SP100: variants seen among roughly 807,000 people sequenced by gnomAD.
SP100 encodes the protein SP100 nuclear body protein, also known as nuclear autoantigen Sp-100.
In SP100, 84 loss-of-function variants were observed where a neutral mutation model predicts 130.0. That is an observed-to-expected ratio of 0.65 (90% CI 0.54 to 0.77). The LOEUF (loss-of-function observed/expected upper bound fraction) is 0.77. Among genes scored for constraint, SP100 ranks in the 30% least tolerant of loss-of-function variants. The pLI is 0.00. For synonymous variants in SP100, 331 were observed against 351.7 expected (o/e 0.94, Z 0.66); for missense variants, 978 against 1,052.2 (o/e 0.93, Z 0.97).
intron 14 of SP100, 33 bp downstream of exon 14, chr2:230,469,129 A>T: frequency 7.4e-7 from 1 of 1,344,282 alleles, no homozygotes; most frequent in Non-Finnish European, 1.1e-6. Flanking sequence ...GATGTAACAA[A>T]TGTCTTTATT....
At chr2:230,446,254 G>A (rs1044526744) in intron 4 of SP100, among the ~76,000 whole-genome samples, 3 of 152,152 alleles carry the variant, frequency 2.0e-5, no homozygotes, top group Non-Finnish European at 4.4e-5. Context: ...GACCATAGGT[G>A]TGCAACACCA....
At chr2:230,504,062 G>T in intron 20 of SP100, 124 bp from the exon 21 acceptor site, 1 of 589,274 alleles carries the variant, frequency 1.7e-6, no homozygotes, top group East Asian at 2.8e-5. Flanking sequence ...AAATGTAACT[G>T]ATTCATGGGG....
At chr2:230,495,577 C>T (rs1285432488) in intron 18 of SP100, among the ~76,000 whole-genome samples, 1 of 152,180 alleles carries the variant, frequency 6.6e-6, no homozygotes, top group African/African-American at 2.4e-5. Context: ...GCCTCGGCCT[C>T]CCAAAATGCT....
intron 17 of SP100, among the ~76,000 whole-genome samples, chr2:230,476,596 A>G (rs374000367): frequency 6.6e-6 from 1 of 152,154 alleles, no homozygotes; most frequent in African/African-American, 2.4e-5. Flanking sequence ...GAATTTTACT[A>G]TGCATGTATT....
chr2:230,522,975 C>A (rs771388841), intron 24 of SP100, among the ~76,000 whole-genome samples: 3 of 151,752 alleles, frequency 2.0e-5, no homozygotes, highest in African/African-American at 7.3e-5. Context: ...CCAGCATGCC[C>A]GGCTAATTTT....
At chr2:230,492,329 G>T (rs191929693) in intron 17 of SP100, among the ~76,000 whole-genome samples, 8 of 152,272 alleles carry the variant, frequency 5.3e-5, no homozygotes, top group African/African-American at 1.7e-4. Context: ...TTTGGCTAGA[G>T]ACAGGGTCTC....
At chr2:230,430,086 C>G (rs1298536669) in intron 2 of SP100, among the ~76,000 whole-genome samples, 1 of 152,198 alleles carries the variant, frequency 6.6e-6, no homozygotes, top group Non-Finnish European at 1.5e-5. Context: ...ATAACCTCTT[C>G]CAGGCTTTAT....
In SP100 at chr2:230,540,914, T is replaced by C; in HGVS notation, c.2249T>C (p.Ile750Thr). The part of the protein sequence containing the change: ...WSCIFCRIKT[I>T]QERCPESQSG... ...TGCATCTTCTGCAGGATAAAGACTA[T>C]TCAGGAAAGATGCCCAGAAAGCCAA... is the stretch of plus-strand genomic sequence containing the variant. Residue 750 changes from isoleucine (I) to threonine (T), a missense_variant, in exon 26 of 29, where the codon ATT becomes ACT. Physicochemically the swap from Ile to Thr is moderately conservative, Grantham distance 89. Transcript: ENST00000340126. The C allele has an allele frequency of 1.2e-6, 2 of 1,613,702 alleles. No homozygotes were observed. Among genetic ancestry groups the C allele is most frequent in the Non-Finnish European group, 1.7e-6 (2 of 1,179,704 alleles).
chr2:230,427,736 G>T (rs1463221096), intron 2 of SP100, among the ~76,000 whole-genome samples: 1 of 151,884 alleles, frequency 6.6e-6, no homozygotes, highest in African/African-American at 2.4e-5. Flanking sequence ...TCTACTTAGT[G>T]GTTACTATGA....
intron 11 of SP100, among the ~76,000 whole-genome samples, chr2:230,465,573 G>A (rs966725865): frequency 6.6e-6 from 1 of 152,158 alleles, no homozygotes; most frequent in Non-Finnish European, 1.5e-5. Flanking sequence ...GGAAACAGCA[G>A]ATGCTGGGGT....
At chr2:230,434,561 G>A (rs1015833017) in intron 2 of SP100, among the ~76,000 whole-genome samples, 1 of 152,062 alleles carries the variant, frequency 6.6e-6, no homozygotes, top group African/African-American at 2.4e-5. Flanking sequence ...ACACAAATAA[G>A]TAATTCATTT....
In SP100 at chr2:230,541,363, A is replaced by T; in HGVS notation, c.2394A>T (p.Glu798Asp). ...CDSKSCFFAS[E>D]PYYNREGSQG... ...CGAAAAGCTGCTTTTTCGCCTCAGAACCGTATTATGTAAGTAACAGCCAAA... is the reference window on the plus strand; with the variant it reads ...CGAAAAGCTGCTTTTTCGCCTCAGATCCGTATTATGTAAGTAACAGCCAAA... The change falls in exon 27 of 29, where the codon GAA becomes GAT. Residue 798 changes from glutamate to aspartate, a missense_variant. Physicochemically the swap from Glu to Asp is conservative, Grantham distance 45. Transcript: ENST00000340126. 1 of 1,613,658 alleles carries T rather than the reference A, an allele frequency of 6.2e-7. No individual in the cohort carries two copies. Among genetic ancestry groups the T allele is most frequent in the Non-Finnish European group, 8.5e-7 (1 of 1,179,552 alleles).
At chr2:230,423,396 C>T (rs1046419826) in intron 2 of SP100, among the ~76,000 whole-genome samples, 2 of 151,888 alleles carry the variant, frequency 1.3e-5, no homozygotes, top group East Asian at 3.9e-4. Flanking sequence ...CCTTTGTTTT[C>T]TTGATCAATC....
intron 4 of SP100, among the ~76,000 whole-genome samples, chr2:230,446,221 C>A (rs35919859): frequency 0.15 from 23,305 of 152,132 alleles, 1,961 homozygotes; most frequent in Non-Finnish European, 0.19. Flanking sequence ...TGATCCTCCC[C>A]CCTCAGCCTC....
At chr2:230,448,014 C>T (rs2063784263) in intron 5 of SP100, among the ~76,000 whole-genome samples, 1 of 152,168 alleles carries the variant, frequency 6.6e-6, no homozygotes, top group South Asian at 2.1e-4. Flanking sequence ...ACAGAAAGTG[C>T]TCTTTTCACT....
chr2:230,492,131 C>T (rs147026208), intron 17 of SP100, among the ~76,000 whole-genome samples: 295 of 152,236 alleles, frequency 1.9e-3, no homozygotes, highest in African/African-American at 6.7e-3. Context: ...TCTTTTTCCT[C>T]TCCCATCCAA....
At chr2:230,417,542 A>G (rs1012691278) in intron 1 of SP100, 49 bp from the exon 2 acceptor site, 1 of 1,576,646 alleles carries the variant, frequency 6.3e-7, no homozygotes. Context: ...GTAATTATTG[A>G]GGCAAAGGGT....
At chr2:230,491,825 G>A (rs926414440) in intron 17 of SP100, among the ~76,000 whole-genome samples, 4 of 152,086 alleles carry the variant, frequency 2.6e-5, no homozygotes, top group East Asian at 3.9e-4. Flanking sequence ...CTTACAGTTC[G>A]CTCTGACCAT....
intron 24 of SP100, chr2:230,515,344 G>A: frequency 6.2e-7 from 1 of 1,613,856 alleles, no homozygotes; most frequent in South Asian, 1.1e-5. Context: ...GTTCTGCTCT[G>A]AGTATCGCCC....
Sources: gnomAD v4.1 joint callset for allele counts (sites outside exome capture counted in the v4.1 genomes callset) on GRCh38, gnomAD v4.1.1 for gene constraint, MANE v1.5 for transcripts, NCBI Gene and HGNC (gene_info 2026-07-23, HGNC 2026-07-21) for gene names.